Variants in HHIP observed in about 807,000 individuals in gnomAD.
HHIP encodes hedgehog-interacting protein.
Under a neutral mutation model 74.0 loss-of-function variants are expected in HHIP, and 12 were observed. The ratio of observed to expected loss-of-function variants is 0.16; its 90% CI spans 0.10 to 0.26. The LOEUF (loss-of-function observed/expected upper bound fraction) is 0.26. Among genes scored for constraint, HHIP ranks in the 10% least tolerant of loss-of-function variants. HHIP has a pLI of 1.00. For missense variants in HHIP, 788 were observed against 845.0 expected, an observed-to-expected ratio of 0.93 and a Z score of 0.84; for synonymous variants, 309 against 311.6, an observed-to-expected ratio of 0.99 and a Z score of 0.09.
rs1729911248 is a variant in HHIP, at chr4:144,699,303, A to G, written c.832-7228A>G. The stretch of plus-strand genomic sequence containing the variant: ...TTTTATTTACTATTACTGGTTTACT[A>G]TGAAGGATACGACTCAGGAACAGCC... On this transcript the variant is annotated intron_variant, in intron 4 of 12. Transcript: ENST00000296575. Among the ~76,000 whole-genome samples the G allele has an allele frequency of 2.0e-5, 3 of 152,186 alleles. No individual in the cohort carries two copies. The South Asian group carries it at 6.2e-4, about 31-fold the overall frequency.
rs1015804849 is a variant in HHIP, at chr4:144,658,767, G to T, written c.473-23G>T. The T allele has an allele frequency of 1.9e-6, 3 of 1,597,462 alleles. 1 individual carries two copies. Among genetic ancestry groups the T allele is most frequent in the African/African-American group, 2.7e-5 (2 of 74,224 alleles). ...TACTATGACATTAGGTGCTTCTAAT[G>T]AGTCTTTTTATATTTTTTAAAGGTT... On this transcript the variant is annotated intron_variant, in intron 2 of 12. Coordinates refer to ENST00000296575, the MANE Select transcript of HHIP (RefSeq NM_022475.3).
At chr4:144,675,004 T>G (rs1560701577) in intron 4 of HHIP, among the ~76,000 whole-genome samples, 1 of 152,222 alleles carries the variant, frequency 6.6e-6, no homozygotes, top group South Asian at 2.1e-4. Context: ...GTTAGTCACA[T>G]TGTTGGATAT....
chr4:144,684,232 A>ATTTTTTTTTTTTT (rs1174297815), intron 4 of HHIP, among the ~76,000 whole-genome samples: 5 of 63,008 alleles, frequency 7.9e-5, no homozygotes, highest in East Asian at 4.7e-4. Context: ...AAAAAAAAGA[A>ATTTTTTTTTTTTT]TTTTTTTTTT....
At chr4:144,670,298 T>A (rs1357398829) in intron 4 of HHIP, among the ~76,000 whole-genome samples, 1 of 147,530 alleles carries the variant, frequency 6.8e-6, no homozygotes, top group African/African-American at 2.5e-5. Flanking sequence ...CCGTCTCTAA[T>A]AAAAATACAA....
chr4:144,720,461 T>A (rs527512334), intron 11 of HHIP, among the ~76,000 whole-genome samples: 1 of 152,200 alleles, frequency 6.6e-6, no homozygotes, highest in African/African-American at 2.4e-5. Flanking sequence ...CACAAAAATC[T>A]TTCTCTCTTC....
At position 144,714,422 on chromosome 4, in the gene HHIP, A is replaced by T; in HGVS notation, c.1547+74A>T. The stretch of plus-strand genomic sequence containing the variant: ...ATTAATCATTTGGCAAACTGCCACA[A>T]AATATTCAAATGATTGTCTCTTTTT... On this transcript the variant is annotated intron_variant, in intron 9 of 12. Coordinates refer to ENST00000296575, the MANE Select transcript of HHIP (RefSeq NM_022475.3). The T allele has an allele frequency of 2.1e-6, 3 of 1,413,840 alleles. No individual in the cohort carries two copies. The South Asian group carries it at 3.6e-5, about 17-fold the overall frequency. The allele number at this position is 1,413,840 out of a possible 1,614,324, so 87.6% of individuals were successfully genotyped here. A position where few individuals can be genotyped will look rare whatever the true frequency, so the allele number is the denominator to read the frequency against.
chr4:144,671,006 A>G (rs1212050689), intron 4 of HHIP, among the ~76,000 whole-genome samples: 1 of 152,084 alleles, frequency 6.6e-6, no homozygotes, highest in African/African-American at 2.4e-5. Flanking sequence ...TAAGTTATCA[A>G]TTACTACCCT....
At chr4:144,716,854 G>GAAAAAAAAA (rs869028218) in intron 10 of HHIP, among the ~76,000 whole-genome samples, 825 of 54,730 alleles carry the variant, frequency 0.015, 52 homozygotes, top group Middle Eastern at 0.038. Flanking sequence ...CGTCTCAAAA[G>GAAAAAAAAA]AAAAAAAAAA....
intron 4 of HHIP, among the ~76,000 whole-genome samples, chr4:144,660,599 TGAA>T (rs1171261642): frequency 6.6e-6 from 1 of 150,402 alleles, no homozygotes; most frequent in Non-Finnish European, 1.5e-5. Flanking sequence ...AAAAAAAACC[TGAA>T]GGAGGATTTA....
chr4:144,714,117 T>C (rs530594258), intron 8 of HHIP, 108 bp from the exon 9 acceptor site: 12 of 947,360 alleles, frequency 1.3e-5, no homozygotes, highest in Middle Eastern at 2.5e-4. Flanking sequence ...TGGTGTATCA[T>C]AGAACACATT....
At chr4:144,658,114 G>A (rs1728600361) in intron 2 of HHIP, among the ~76,000 whole-genome samples, 1 of 151,804 alleles carries the variant, frequency 6.6e-6, no homozygotes, top group Non-Finnish European at 1.5e-5. Flanking sequence ...TAGTATTGTA[G>A]GAAAAAATGC....
At chr4:144,699,213 G>T (rs563160937) in intron 4 of HHIP, among the ~76,000 whole-genome samples, 1 of 152,192 alleles carries the variant, frequency 6.6e-6, no homozygotes, top group Non-Finnish European at 1.5e-5. Context: ...AAATTTGGGG[G>T]TTCTCATAAT....
intron 4 of HHIP, among the ~76,000 whole-genome samples, chr4:144,673,099 G>A (rs1264743018): frequency 6.6e-6 from 1 of 152,218 alleles, no homozygotes; most frequent in Non-Finnish European, 1.5e-5. Flanking sequence ...CTGACTTCTA[G>A]TACCAGCTCT....
Position 144,659,647 on chromosome 4 carries a change from C to T in HHIP, c.640C>T (p.His214Tyr), listed in dbSNP as rs1728653128. ...CTTTAATTTGTTTAGAAAGCACAAA[C>T]ACAACTGCTTCTGTATTCAGGAGGT... ...KVEEISRKHK[H>Y]NCFCIQEVVS... The change falls in exon 4 of 13, where the codon CAC becomes TAC. Residue 214 changes from histidine to tyrosine, a missense_variant. By Grantham distance (83) the His-to-Tyr change is moderately conservative. Coordinates refer to ENST00000296575, the MANE Select transcript of HHIP (RefSeq NM_022475.3). The T allele has an allele frequency of 1.3e-6, 2 of 1,482,570 alleles. No individual in the cohort carries two copies. Among genetic ancestry groups the T allele is most frequent in the African/African-American group, 1.4e-5 (1 of 69,936 alleles). The allele number at this position is 1,482,570 out of a possible 1,614,324, so 91.8% of individuals were successfully genotyped here.
chr4:144,724,378 C>T (rs752972583), intron 11 of HHIP, among the ~76,000 whole-genome samples: 2 of 152,100 alleles, frequency 1.3e-5, no homozygotes, highest in Admixed American at 1.3e-4. Context: ...CAAGTGCTGA[C>T]AGATTTGTAT....
rs767277453 is a variant in HHIP at position 144,741,906 on chromosome 4, T to G, written c.*3949T>G. ...ATACTATTGGCAGTTGTAGTTTTAA[T>G]TGTAATTGACTGATTAACCAAGTAA... On this transcript the variant is annotated 3_prime_UTR_variant, in exon 13 of 13. Coordinates refer to ENST00000296575, the MANE Select transcript of HHIP (RefSeq NM_022475.3). 1.3e-5 allele frequency: 2 copies of G among 152,130 alleles called. No individual in the cohort carries two copies. The highest frequency in any genetic ancestry group is 2.9e-5 in the Non-Finnish European group (2 of 68,012). 9.4% of individuals were successfully genotyped at this position (152,130 alleles called of 1,614,324 possible). A position where few individuals can be genotyped will look rare whatever the true frequency, so the allele number is the denominator to read the frequency against.
chr4:144,666,734 C>T (rs1185445779), intron 4 of HHIP, among the ~76,000 whole-genome samples: 2 of 152,194 alleles, frequency 1.3e-5, no homozygotes, highest in Admixed American at 1.3e-4. Flanking sequence ...TCAGCATGCT[C>T]AGTGAGGAGG....
chr4:144,721,228 T>C (rs546854800), intron 11 of HHIP, among the ~76,000 whole-genome samples: 1 of 152,258 alleles, frequency 6.6e-6, no homozygotes, highest in South Asian at 2.1e-4. Context: ...TTATATGTCA[T>C]AGAAGTTACA....
chr4:144,715,193 C>T (rs1560717201), intron 9 of HHIP, 107 bp from the exon 10 acceptor site: 2 of 1,077,878 alleles, frequency 1.9e-6, no homozygotes, highest in East Asian at 5.0e-5. Context: ...GAAGCCAGGT[C>T]TATGGCAAAG....
Sources: gnomAD v4.1 joint callset for allele counts (sites outside exome capture counted in the v4.1 genomes callset) on GRCh38, gnomAD v4.1.1 for gene constraint, MANE v1.5 for transcripts, NCBI Gene and HGNC (gene_info 2026-07-23, HGNC 2026-07-21) for gene names.